LRP2: variants seen among roughly 807,000 people sequenced by gnomAD.
LRP2 encodes the protein low-density lipoprotein receptor-related protein 2.
In LRP2, 172 loss-of-function variants were observed where a neutral mutation model predicts 531.0. The observed-to-expected ratio is 0.32, with a 90% confidence interval of 0.29 to 0.37. The LOEUF is 0.37. Among genes scored for constraint, LRP2 ranks in the 10% least tolerant of loss-of-function variants. The pLI is 1.00. For missense variants in LRP2, 5,167 were observed against 5,868.3 expected (o/e 0.88, Z 3.90); for synonymous variants, 1,992 against 2,027.6 (o/e 0.98, Z 0.47).
At chr2:169,263,300 G>A (rs1180877642) in intron 16 of LRP2, among the ~76,000 whole-genome samples, 1 of 152,094 alleles carries the variant, frequency 6.6e-6, no homozygotes, top group African/African-American at 2.4e-5. Flanking sequence ...CCATCACAGT[G>A]AACAGGCAAC....
chr2:169,259,331 C>T, intron 16 of LRP2, 114 bp from the exon 17 acceptor site: 1 of 501,002 alleles, frequency 2.0e-6, no homozygotes, highest in Non-Finnish European at 3.5e-6. Context: ...TTCAGGAACA[C>T]ATGTGGAATT....
chr2:169,208,439 G>A (rs972108345), intron 38 of LRP2, among the ~76,000 whole-genome samples: 1 of 151,952 alleles, frequency 6.6e-6, no homozygotes, highest in African/African-American at 2.4e-5. Context: ...CATAATACAT[G>A]CTTATATTTC....
intron 71 of LRP2, among the ~76,000 whole-genome samples, chr2:169,141,595 TTAAAACAAGAATCTTAA>T (rs1465836750): frequency 6.6e-6 from 1 of 152,134 alleles, no homozygotes; most frequent in Non-Finnish European, 1.5e-5. Flanking sequence ...TTAAAGTTCT[TTAAAACAAGAATCTTAA>T]TAAAATCCAC....
rs200915700 is a variant in LRP2, at chr2:169,182,255, G to A, written c.9910C>T (p.Arg3304Cys). 47 of 1,613,972 alleles carry A rather than the reference G, an allele frequency of 2.9e-5. No homozygotes were observed. The highest frequency in any genetic ancestry group is 1.3e-4 in the East Asian group (6 of 44,894). The change falls in exon 51 of 79, where the codon CGC (arginine) becomes TGC (cysteine). Residue 3304 changes from arginine (R) to cysteine (C), a missense_variant. By Grantham distance (180) the Arg-to-Cys change is radical (BLOSUM62 -3). Coordinates refer to ENST00000649046, the MANE Select transcript of LRP2 (RefSeq NM_004525.3). ...ACACAGTGCTGGGCCAGCATGCGGC[G>A]GTGTCCACCATTGAGGTCAGAGACA... Reference protein sequence around the residue: ...LFVSDLNGGHRRMLAQHCVDA... With the variant: ...LFVSDLNGGHCRMLAQHCVDA...
intron 4 of LRP2, among the ~76,000 whole-genome samples, chr2:169,305,821 A>G (rs1221853730): frequency 6.6e-6 from 1 of 152,088 alleles, no homozygotes; most frequent in Non-Finnish European, 1.5e-5. Context: ...TACCTTTTCT[A>G]TGTTTACATA....
intron 33 of LRP2, 24 bp from the exon 34 acceptor site, chr2:169,220,587 G>C: frequency 6.6e-7 from 1 of 1,511,474 alleles, no homozygotes; most frequent in Non-Finnish European, 9.2e-7. Flanking sequence ...TCACTTATTA[G>C]AACTGACTTT....
At chr2:169,328,216 C>T (rs868718109) in intron 1 of LRP2, among the ~76,000 whole-genome samples, 1 of 122,728 alleles carries the variant, frequency 8.1e-6, no homozygotes, top group South Asian at 2.6e-4. Context: ...GCCCGGCCAG[C>T]CGCCCCGTCC....
intron 28 of LRP2, among the ~76,000 whole-genome samples, chr2:169,236,461 T>C (rs980674828): frequency 6.6e-6 from 1 of 152,220 alleles, no homozygotes; most frequent in East Asian, 1.9e-4. Flanking sequence ...TCATCAGGAA[T>C]TCATCATAAA....
chr2:169,224,370 T>C (rs1246191971), intron 33 of LRP2, among the ~76,000 whole-genome samples: 1 of 152,186 alleles, frequency 6.6e-6, no homozygotes, highest in Non-Finnish European at 1.5e-5. Context: ...AAACCAACAC[T>C]AGTCAAGTTA....
At chr2:169,128,888 G>A in intron 78 of LRP2, 58 bp from the exon 79 acceptor site, 1 of 1,600,060 alleles carries the variant, frequency 6.2e-7, no homozygotes. Context: ...ACCATACACG[G>A]TTTTTCATAA....
intron 1 of LRP2, among the ~76,000 whole-genome samples, chr2:169,357,236 C>G (rs550545966): frequency 6.6e-6 from 1 of 150,974 alleles, no homozygotes; most frequent in Non-Finnish European, 1.5e-5. Flanking sequence ...CCATTCAACA[C>G]TCTTTCATAA....
chr2:169,278,018 A>G, intron 12 of LRP2, 67 bp from the exon 13 acceptor site: 1 of 1,327,958 alleles, frequency 7.5e-7, no homozygotes, highest in Admixed American at 1.7e-5. Flanking sequence ...ATTTTTTTTA[A>G]CAGTGTGTTT....
At chr2:169,212,246 A>G in intron 36 of LRP2, 39 bp from the exon 37 acceptor site, 14 of 1,613,716 alleles carry the variant, frequency 8.7e-6, no homozygotes, top group Non-Finnish European at 1.2e-5. Context: ...TTTTGATCCT[A>G]GCTACTCGCC....
Position 169,132,652 on chromosome 2 carries a change from C to A in LRP2, c.13650G>T (p.Lys4550Asn), listed in dbSNP as rs1160377420. ...QVTVSENVDN[K>N]NYGSPINPSE... ...AAGGGTTTATGGGACTTCCATAATT[C>A]TTATTATCCACATTTTCAGATACAG... Residue 4550 changes from lysine (K) to asparagine (N), a missense_variant, in exon 77 of 79, where the codon AAG (lysine) becomes AAT (asparagine). Physicochemically the swap from Lys to Asn is moderately conservative, Grantham distance 94 (BLOSUM62 0). Around this residue, in one of 6 missense-constraint regions of LRP2, gnomAD observed 348 missense variants for 369.3 expected, o/e 0.94. Transcript: ENST00000649046. The A allele has an allele frequency of 5.6e-6, 9 of 1,605,860 alleles. No homozygotes were observed. The highest frequency in any genetic ancestry group is 4.0e-5 in the African/African-American group (3 of 74,732).
intron 1 of LRP2, among the ~76,000 whole-genome samples, chr2:169,359,894 C>A (rs576549352): frequency 6.6e-6 from 1 of 151,968 alleles, no homozygotes; most frequent in Non-Finnish European, 1.5e-5. Flanking sequence ...GAGGCCTAGG[C>A]GGGCAGATCA....
intron 21 of LRP2, among the ~76,000 whole-genome samples, chr2:169,246,189 TTTTA>T (rs897126999): frequency 1.3e-5 from 2 of 152,088 alleles, no homozygotes; most frequent in African/African-American, 2.4e-5. Context: ...TCTATTTCTT[TTTTA>T]TTTATTTATT....
intron 31 of LRP2, among the ~76,000 whole-genome samples, chr2:169,227,228 T>G (rs951542233): frequency 6.6e-6 from 1 of 152,208 alleles, no homozygotes; most frequent in African/African-American, 2.4e-5. Context: ...GGCCTGGTAC[T>G]CAGAGCCTGG....
chr2:169,203,253 T>C (rs937680847), intron 42 of LRP2, among the ~76,000 whole-genome samples: 3 of 152,218 alleles, frequency 2.0e-5, no homozygotes, highest in Admixed American at 1.3e-4. Flanking sequence ...CCCGTGAATT[T>C]GTTGTTCTTT....
intron 3 of LRP2, among the ~76,000 whole-genome samples, chr2:169,316,012 C>A (rs940886523): frequency 6.7e-6 from 1 of 149,300 alleles, no homozygotes; most frequent in East Asian, 1.9e-4. Context: ...TGGTGCCATG[C>A]GCCCGTAGTC....
Sources: gnomAD v4.1 joint callset for allele counts (sites outside exome capture counted in the v4.1 genomes callset) on GRCh38, gnomAD v4.1.1 for gene constraint, gnomAD v4.1.1 regional missense constraint, MANE v1.5 for transcripts, NCBI Gene and HGNC (gene_info 2026-07-23, HGNC 2026-07-21) for gene names.